IL20RB: variants seen among roughly 807,000 people sequenced by gnomAD.
The protein encoded by IL20RB is interleukin-20 receptor subunit beta.
IL20RB carries 21 observed loss-of-function variants against 33.3 expected under a neutral mutation model. The ratio of observed to expected loss-of-function variants is 0.63; its 90% CI spans 0.45 to 0.91. The LOEUF (loss-of-function observed/expected upper bound fraction) is 0.91, where lower values mean the gene tolerates loss of function less well. Ranked by LOEUF, IL20RB falls within the 40% of genes least tolerant of loss-of-function variation. IL20RB has a pLI of 0.00. For synonymous variants in IL20RB, 147 were observed against 146.8 expected, an observed-to-expected ratio of 1.00 and a Z score of -0.01; for missense variants, 345 against 384.8, an observed-to-expected ratio of 0.90 and a Z score of 0.86.
At chr3:136,969,661 G>C (rs1217723086) in intron 1 of IL20RB, among the ~76,000 whole-genome samples, 1 of 151,874 alleles carries the variant, frequency 6.6e-6, no homozygotes, top group Non-Finnish European at 1.5e-5. Context: ...CGTCTTCTGC[G>C]TCGCTCACGC....
intron 1 of IL20RB, 73 bp downstream of exon 1, chr3:136,958,274 C>A: frequency 2.3e-6 from 2 of 888,532 alleles, no homozygotes; most frequent in South Asian, 1.4e-5. Context: ...AATACTTTCC[C>A]AGGGCCTGGG....
chr3:136,997,773 C>T (rs1942159629), intron 6 of IL20RB, among the ~76,000 whole-genome samples: 1 of 151,360 alleles, frequency 6.6e-6, no homozygotes, highest in Non-Finnish European at 1.5e-5. Context: ...ATTTTTAGTC[C>T]ACTAACTTTT....
chr3:136,972,458 CTTA>C (rs1941509795), intron 1 of IL20RB, among the ~76,000 whole-genome samples: 1 of 152,066 alleles, frequency 6.6e-6, no homozygotes, highest in African/African-American at 2.4e-5. Context: ...TGTTGGGAGA[CTTA>C]TTATTGATTC....
chr3:137,009,631 C>A (rs533051204), intron 6 of IL20RB, among the ~76,000 whole-genome samples: 1 of 152,112 alleles, frequency 6.6e-6, no homozygotes, highest in East Asian at 1.9e-4. Flanking sequence ...CCTTGACCTC[C>A]CAGGCTCAAT....
At chr3:137,010,067 T>G (rs754464678) in intron 6 of IL20RB, 46 bp from the exon 7 acceptor site, 1 of 863,026 alleles carries the variant, frequency 1.2e-6, no homozygotes, top group South Asian at 1.3e-5. Context: ...TTAGTATTAC[T>G]ACTACTGCTA....
At chr3:136,972,440 C>T (rs533133033) in intron 1 of IL20RB, among the ~76,000 whole-genome samples, 1 of 152,088 alleles carries the variant, frequency 6.6e-6, no homozygotes, top group Non-Finnish European at 1.5e-5. Flanking sequence ...TAATCCTGGG[C>T]TTTTCTTTGT....
At chr3:136,970,100 GT>G (rs1553802640) in intron 1 of IL20RB, among the ~76,000 whole-genome samples, 7 of 144,112 alleles carry the variant, frequency 4.9e-5, no homozygotes, top group South Asian at 2.2e-4. Context: ...TTGTTTTTTT[GT>G]TTTTTTTTTA....
In IL20RB at chr3:136,958,146, C is replaced by T. The variant is rs749821825; in HGVS notation, c.33C>T (p.Ile11=). 2 of 1,611,458 alleles carry T rather than the reference C, an allele frequency of 1.2e-6. No homozygotes were observed. The highest frequency in any genetic ancestry group is 8.5e-7 in the Non-Finnish European group (1 of 1,177,844). The stretch of plus-strand genomic sequence containing the variant: ...CTTTCACAATGGTTCTAGAAGAAAT[C>T]TGGACAAGTCTTTTCATGTGGTTTT... The part of the protein sequence containing the change: MQTFTMVLEE[I]WTSLFMWFFY... The change falls in exon 1 of 7, where the codon ATC becomes ATT. Residue 11 remains isoleucine (I), a synonymous_variant. Coordinates refer to ENST00000329582, the MANE Select transcript of IL20RB (RefSeq NM_144717.4).
intron 5 of IL20RB, among the ~76,000 whole-genome samples, chr3:136,993,692 T>C (rs182157835): frequency 1.3e-5 from 2 of 151,980 alleles, no homozygotes; most frequent in Admixed American, 6.6e-5. Context: ...GTTCTCGCGA[T>C]AGTTTGCTCA....
chr3:136,989,847 A>G (rs1206659529), intron 4 of IL20RB, among the ~76,000 whole-genome samples: 1 of 152,088 alleles, frequency 6.6e-6, no homozygotes, highest in Admixed American at 6.6e-5. Context: ...GTTGGACCAC[A>G]ATATCTTTTC....
chr3:136,962,353 TGTGA>T (rs1021417397), intron 1 of IL20RB, among the ~76,000 whole-genome samples: 2 of 152,190 alleles, frequency 1.3e-5, no homozygotes, highest in African/African-American at 4.8e-5. Context: ...ATGTACTCCC[TGTGA>T]GTGTCTGGAA....
At chr3:136,988,512 G>A (rs1269902801) in intron 3 of IL20RB, among the ~76,000 whole-genome samples, 1 of 152,154 alleles carries the variant, frequency 6.6e-6, no homozygotes, top group Non-Finnish European at 1.5e-5. Flanking sequence ...GCTCGAGGTG[G>A]GCGAACTGCT....
chr3:136,993,928 G>A (rs1424569786), intron 5 of IL20RB, among the ~76,000 whole-genome samples: 1 of 151,786 alleles, frequency 6.6e-6, no homozygotes, highest in East Asian at 1.9e-4. Context: ...CATGAAAATC[G>A]CTTGAACCCA....
intron 6 of IL20RB, among the ~76,000 whole-genome samples, chr3:137,001,208 C>T (rs1376501037): frequency 4.6e-5 from 7 of 152,326 alleles, no homozygotes; most frequent in African/African-American, 1.7e-4. Flanking sequence ...CGTCACTACC[C>T]TTGACTACCT....
In IL20RB at chr3:137,010,370, A is replaced by G; in HGVS notation, c.*147A>G. 1 of 589,860 alleles carries G rather than the reference A, an allele frequency of 1.7e-6. No individual in the cohort carries two copies. The highest frequency in any genetic ancestry group is 2.2e-5 in the South Asian group (1 of 45,568). The allele number at this position is 589,860 out of a possible 1,614,324, so 36.5% of individuals were successfully genotyped here. ...GTTGTCTACAAGTCTAGAAGCAACCATCAGAGGCAGGGTGGTTTGTCTAAC... is the reference window on the plus strand; with the variant it reads ...GTTGTCTACAAGTCTAGAAGCAACCGTCAGAGGCAGGGTGGTTTGTCTAAC... On this transcript the variant is annotated 3_prime_UTR_variant, in exon 7 of 7. Transcript: ENST00000329582.
chr3:136,978,167 T>G (rs1282727383), intron 1 of IL20RB, among the ~76,000 whole-genome samples: 2 of 137,844 alleles, frequency 1.5e-5, no homozygotes, highest in South Asian at 4.8e-4. Context: ...TTCTGTCTTG[T>G]TTTTTTTTTT....
intron 1 of IL20RB, among the ~76,000 whole-genome samples, chr3:136,967,558 C>T (rs1333510731): frequency 4.9e-4 from 3 of 6,102 alleles, no homozygotes; most frequent in African/African-American, 2.3e-3. Context: ...GGTAGATCTT[C>T]CTCCATCCTT....
chr3:136,982,041 A>T, intron 2 of IL20RB, 119 bp from the exon 3 acceptor site: 1 of 623,034 alleles, frequency 1.6e-6, no homozygotes, highest in East Asian at 3.0e-5. Flanking sequence ...TAGGATAATG[A>T]GAAAGTACTT....
chr3:136,962,328 A>G (rs1449428135), intron 1 of IL20RB, among the ~76,000 whole-genome samples: 1 of 152,228 alleles, frequency 6.6e-6, no homozygotes, highest in Admixed American at 6.5e-5. Flanking sequence ...ACCAGTAATA[A>G]GACGTATTGA....
Sources: allele counts gnomAD v4.1 joint callset (sites outside exome capture counted in the v4.1 genomes callset), GRCh38; gene constraint gnomAD v4.1.1; transcripts MANE v1.5; gene names NCBI Gene and HGNC (gene_info 2026-07-23, HGNC 2026-07-21).